Variants in IKZF2 observed in about 807,000 individuals in gnomAD.
IKZF2 encodes IKAROS family zinc finger 2.
IKZF2 carries 15 observed loss-of-function variants against 49.2 expected under a neutral mutation model. The observed-to-expected ratio is 0.30, with a 90% CI of 0.20 to 0.47. The LOEUF (loss-of-function observed/expected upper bound fraction) is 0.47. IKZF2 is among the 20% of genes least tolerant of loss of function. The pLI is 1.00. For synonymous variants in IKZF2, 227 were observed against 221.4 expected, an observed-to-expected ratio of 1.03 and a Z score of -0.23; for missense variants, 567 against 664.6, an observed-to-expected ratio of 0.85 and a Z score of 1.61.
intron 6 of IKZF2, among the ~76,000 whole-genome samples, chr2:213,035,114 G>T (rs1316295156): frequency 6.6e-6 from 1 of 152,126 alleles, no homozygotes; most frequent in African/African-American, 2.4e-5. Flanking sequence ...AATGCCAGTT[G>T]TGTGTGAAGC....
At chr2:213,063,347 A>G (rs1385188619) in intron 4 of IKZF2, among the ~76,000 whole-genome samples, 2 of 151,942 alleles carry the variant, frequency 1.3e-5, no homozygotes, top group Admixed American at 1.3e-4. Flanking sequence ...TAGTGTAGTA[A>G]AGTTACCCTG....
intron 4 of IKZF2, among the ~76,000 whole-genome samples, chr2:213,124,246 GCGCGCGCACACACACA>G (rs1480652687): frequency 9.8e-6 from 1 of 102,484 alleles, no homozygotes; most frequent in African/African-American, 5.0e-5. Flanking sequence ...GCGCTCGCGC[GCGCGCGCACACACACA>G]CACACACACA....
chr2:213,121,382 C>G (rs763588737), intron 4 of IKZF2, among the ~76,000 whole-genome samples: 19 of 152,176 alleles, frequency 1.2e-4, no homozygotes, highest in Non-Finnish European at 2.4e-4. Flanking sequence ...CCTTTTGGCT[C>G]CAGCTCATGG....
chr2:213,060,186 C>T (rs546869977), intron 4 of IKZF2, among the ~76,000 whole-genome samples: 5 of 151,308 alleles, frequency 3.3e-5, no homozygotes, highest in South Asian at 2.1e-4. Flanking sequence ...GAAAAGTTTT[C>T]TCCACTCATA....
intron 5 of IKZF2, among the ~76,000 whole-genome samples, chr2:213,050,981 G>C (rs1322148666): frequency 2.0e-5 from 3 of 151,928 alleles, no homozygotes; most frequent in African/African-American, 7.2e-5. Context: ...ATTCCCTTTT[G>C]GTTGAACTGG....
intron 4 of IKZF2, among the ~76,000 whole-genome samples, chr2:213,145,403 A>G (rs940970487): frequency 2.6e-5 from 4 of 152,146 alleles, no homozygotes; most frequent in South Asian, 2.1e-4. Context: ...CAGAAAATAA[A>G]TAAGTTCTTT....
intron 4 of IKZF2, among the ~76,000 whole-genome samples, chr2:213,140,063 G>A (rs996847206): frequency 6.6e-6 from 1 of 151,930 alleles, no homozygotes; most frequent in Non-Finnish European, 1.5e-5. Context: ...TACACAGTAA[G>A]TGCTTAATAA....
chr2:213,006,148 G>T lies in IKZF2; in HGVS notation c.*1212C>A, dbSNP rs1234584930. The T allele has an allele frequency of 6.6e-6, 1 of 151,912 alleles. No homozygotes were observed. Among genetic ancestry groups the T allele is most frequent in the Non-Finnish European group, 1.5e-5 (1 of 67,924 alleles). 9.4% of individuals were successfully genotyped at this position (151,912 alleles called of 1,614,324 possible). On this transcript the variant is annotated 3_prime_UTR_variant, in exon 9 of 9. Coordinates refer to ENST00000434687, the MANE Select transcript of IKZF2 (RefSeq NM_001387220.1). ...TAGCCCTAGTTCTGTAACCTTACAG[G>T]GTTCAAGTTACCAGATTCAGGCCAA... is the stretch of plus-strand genomic sequence containing the variant.
chr2:213,112,470 T>C (rs1165252592), intron 4 of IKZF2, among the ~76,000 whole-genome samples: 1 of 151,036 alleles, frequency 6.6e-6, no homozygotes, highest in Non-Finnish European at 1.5e-5. Flanking sequence ...CCTTCTTTCT[T>C]TTTTTTTTAA....
intron 4 of IKZF2, among the ~76,000 whole-genome samples, chr2:213,067,066 C>T (rs774811484): frequency 6.6e-6 from 1 of 152,018 alleles, no homozygotes; most frequent in Non-Finnish European, 1.5e-5. Flanking sequence ...GAGTTTAAGG[C>T]CAGGTTCGTT....
chr2:213,034,635 C>A lies in IKZF2; in HGVS notation c.575-12505G>T, dbSNP rs1052473809. On this transcript the variant is annotated intron_variant, in intron 6 of 8. Transcript: ENST00000434687. ...AACACAAAAATTCAAGTTTGCCAGC[C>A]TGTATAGGTGTGGTTCGTGGTATCC... Among the ~76,000 whole-genome samples, 32 of 152,108 alleles carry A rather than the reference C, an allele frequency of 2.1e-4. 2 individuals carry two copies.
intron 4 of IKZF2, among the ~76,000 whole-genome samples, chr2:213,118,928 G>A (rs151120229): frequency 1.6e-3 from 238 of 152,268 alleles, no homozygotes; most frequent in Middle Eastern, 6.8e-3. Flanking sequence ...AATTTCTAGA[G>A]ACATCTCTAT....
At chr2:213,150,892 C>G (rs974345392) in intron 1 of IKZF2, among the ~76,000 whole-genome samples, 3 of 150,888 alleles carry the variant, frequency 2.0e-5, no homozygotes, top group Non-Finnish European at 2.9e-5. Context: ...ATGTGTCATA[C>G]CAGGGTTTTT....
rs117283293 is a variant in IKZF2, at chr2:213,043,228, A to G, written c.574+6485T>C. Among the ~76,000 whole-genome samples, 504 of 152,248 alleles carry G rather than the reference A, an allele frequency of 3.3e-3. 8 individuals carry two copies. The highest frequency in any genetic ancestry group is 0.03 in the East Asian group (158 of 5,186). On this transcript the variant is annotated intron_variant, in intron 6 of 8. Transcript: ENST00000434687. ...CACACCCCTAGTATTTACTTAATAC[A>G]TATTGTATTCCAGATATTTTTCAAA...
intron 6 of IKZF2, among the ~76,000 whole-genome samples, chr2:213,044,427 C>A (rs1194952628): frequency 6.6e-6 from 1 of 152,064 alleles, no homozygotes; most frequent in East Asian, 1.9e-4. Context: ...CAGAAATGGC[C>A]CAAAGCTCCA....
intron 7 of IKZF2, chr2:213,015,026 AT>A (rs944259831): frequency 7.0e-4 from 106 of 152,188 alleles, no homozygotes; most frequent in African/African-American, 2.4e-3. Context: ...GTACAAAAAA[AT>A]GTAGTCTCAT....
intron 4 of IKZF2, among the ~76,000 whole-genome samples, chr2:213,070,422 C>G (rs1702573827): frequency 6.6e-6 from 1 of 152,078 alleles, no homozygotes; most frequent in South Asian, 2.1e-4. Context: ...CCTGTTACTA[C>G]TTACATCTAA....
chr2:213,057,121 A>C, intron 4 of IKZF2, 22 bp from the exon 5 acceptor site: 2 of 1,600,598 alleles, frequency 1.2e-6, no homozygotes, highest in Non-Finnish European at 1.7e-6. Flanking sequence ...AAAGAAGAAA[A>C]TAAATTTTAA....
At chr2:213,140,740 G>C (rs575258483) in intron 4 of IKZF2, among the ~76,000 whole-genome samples, 28 of 152,032 alleles carry the variant, frequency 1.8e-4, no homozygotes, top group African/African-American at 6.7e-4. Flanking sequence ...ATTAAGCAAA[G>C]AGTTTATTAA....
Sources: allele counts gnomAD v4.1 joint callset (sites outside exome capture counted in the v4.1 genomes callset), GRCh38; gene constraint gnomAD v4.1.1; transcripts MANE v1.5; gene names NCBI Gene and HGNC (gene_info 2026-07-23, HGNC 2026-07-21).